The following ATP8A2 variants were observed in gnomAD, a reference collection of about 807,000 sequenced individuals.
ATP8A2 encodes ATPase phospholipid transporting 8A2, also known as phospholipid-transporting ATPase IB.
In ATP8A2, 100 loss-of-function variants were observed where a neutral mutation model predicts 165.6. The observed-to-expected ratio is 0.60, with a 90% CI of 0.51 to 0.71. ATP8A2 has a LOEUF of 0.71. Among genes scored for constraint, ATP8A2 ranks in the 30% least tolerant of loss-of-function variants. ATP8A2 has a pLI of 0.00. For synonymous variants in ATP8A2, 543 were observed against 548.8 expected, an observed-to-expected ratio of 0.99 and a Z score of 0.15; for missense variants, 1,227 against 1,479.5, an observed-to-expected ratio of 0.83 and a Z score of 2.80.
At chr13:25,934,067 A>C (rs182312773) in intron 33 of ATP8A2, among the ~76,000 whole-genome samples, 1 of 152,344 alleles carries the variant, frequency 6.6e-6, no homozygotes. Context: ...AAAACTACCC[A>C]AAAGAAAAGG....
At position 26,025,386 on chromosome 13, in the gene ATP8A2, GC is replaced by G. The variant is rs958387989; in HGVS notation, c.*5403del. 1 of 152,270 alleles carries G rather than the reference GC, an allele frequency of 6.6e-6. No individual in the cohort carries two copies. Among genetic ancestry groups the G allele is most frequent in the Non-Finnish European group, 1.5e-5 (1 of 68,092 alleles). The allele number at this position is 152,270 out of a possible 1,614,324, so 9.4% of individuals were successfully genotyped here. A position where few individuals can be genotyped will look rare whatever the true frequency, so the allele number is the denominator to read the frequency against. ...GCAGGGCCAGCTGCAGGATGGGGCT[GC>G]CGGTCACTGAATTGTCGTTCAAATG... is the stretch of plus-strand genomic sequence containing the variant. On this transcript the variant is annotated 3_prime_UTR_variant, in exon 37 of 37. Transcript: ENST00000381655.
At chr13:25,586,351 G>A (rs535441713) in intron 23 of ATP8A2, among the ~76,000 whole-genome samples, 15 of 152,312 alleles carry the variant, frequency 9.8e-5, no homozygotes, top group Admixed American at 4.6e-4. Context: ...GGGTCAGGAT[G>A]TCCCAACGTG....
At chr13:25,570,715 G>A in intron 16 of ATP8A2, 52 bp from the exon 17 acceptor site, 2 of 1,396,328 alleles carry the variant, frequency 1.4e-6, no homozygotes, top group African/African-American at 1.4e-5. Flanking sequence ...TGTGAGCCCT[G>A]GTGCCTGTTG....
chr13:25,572,171 G>A (rs1480924019), intron 18 of ATP8A2, among the ~76,000 whole-genome samples: 2 of 152,162 alleles, frequency 1.3e-5, no homozygotes, highest in Admixed American at 1.3e-4. Context: ...GTCTCACTCT[G>A]TTGTCCAGGC....
chr13:25,809,640 T>C (rs2138505065), intron 27 of ATP8A2, among the ~76,000 whole-genome samples: 1 of 152,260 alleles, frequency 6.6e-6, no homozygotes, highest in Admixed American at 6.5e-5. Flanking sequence ...TTCTGTTCCC[T>C]TTTGAAAGGT....
At chr13:25,850,577 G>A (rs1435740491) in intron 30 of ATP8A2, among the ~76,000 whole-genome samples, 1 of 151,696 alleles carries the variant, frequency 6.6e-6, no homozygotes, top group East Asian at 1.9e-4. Flanking sequence ...TCCAAAGGCT[G>A]GCTTGGGGAA....
At chr13:25,647,000 C>T (rs1386994307) in intron 24 of ATP8A2, among the ~76,000 whole-genome samples, 1 of 152,196 alleles carries the variant, frequency 6.6e-6, no homozygotes, top group East Asian at 1.9e-4. Context: ...TTACATGCAA[C>T]AACACTACAC....
intron 27 of ATP8A2, among the ~76,000 whole-genome samples, chr13:25,799,838 C>A (rs1593365468): frequency 6.6e-6 from 1 of 152,184 alleles, no homozygotes; most frequent in Non-Finnish European, 1.5e-5. Flanking sequence ...TCTTTCAACC[C>A]AGGAGAGCAA....
chr13:25,489,872 A>T (rs546325822), intron 2 of ATP8A2, among the ~76,000 whole-genome samples: 5 of 152,196 alleles, frequency 3.3e-5, no homozygotes, highest in Non-Finnish European at 7.3e-5. Context: ...TTTAATGCCA[A>T]TTTCTTCAGA....
At chr13:25,731,214 A>G (rs73154554) in intron 25 of ATP8A2, among the ~76,000 whole-genome samples, 15,224 of 139,222 alleles carry the variant, frequency 0.11, 1,208 homozygotes, top group Middle Eastern at 0.19. Context: ...AGAGAGAAAG[A>G]GAAAGAAGAA....
chr13:25,761,879 G>T (rs1326180285), intron 25 of ATP8A2, among the ~76,000 whole-genome samples: 1 of 151,720 alleles, frequency 6.6e-6, no homozygotes, highest in Non-Finnish European at 1.5e-5. Context: ...ATCTAAAGAG[G>T]CCAGGAAAAA....
intron 25 of ATP8A2, among the ~76,000 whole-genome samples, chr13:25,700,905 G>A (rs1008311041): frequency 6.6e-6 from 1 of 152,162 alleles, no homozygotes; most frequent in African/African-American, 2.4e-5. Context: ...ATGTGAAGTG[G>A]TATCGCATTG....
At chr13:25,427,959 G>A (rs1354515309) in intron 1 of ATP8A2, among the ~76,000 whole-genome samples, 1 of 152,076 alleles carries the variant, frequency 6.6e-6, no homozygotes, top group Non-Finnish European at 1.5e-5. Context: ...GCACTTGAGG[G>A]GCGGAGGAGA....
chr13:25,634,791 A>G (rs1275848200), intron 24 of ATP8A2, among the ~76,000 whole-genome samples: 1 of 152,202 alleles, frequency 6.6e-6, no homozygotes, highest in Non-Finnish European at 1.5e-5. Context: ...ATTCAGAATT[A>G]TAATTTTAAC....
At chr13:25,950,515 GGA>G (rs1955327416) in intron 33 of ATP8A2, among the ~76,000 whole-genome samples, 1 of 152,144 alleles carries the variant, frequency 6.6e-6, no homozygotes, top group African/African-American at 2.4e-5. Flanking sequence ...ACCCTGTTTA[GGA>G]AAATTGGGAA....
At chr13:25,537,574 C>T (rs1364546160) in intron 6 of ATP8A2, among the ~76,000 whole-genome samples, 1 of 152,152 alleles carries the variant, frequency 6.6e-6, no homozygotes, top group East Asian at 1.9e-4. Context: ...CATCATTACA[C>T]AGCTCATCAG....
chr13:25,925,698 A>G (rs375725312), intron 33 of ATP8A2, among the ~76,000 whole-genome samples: 2 of 151,460 alleles, frequency 1.3e-5, no homozygotes, highest in East Asian at 3.9e-4. Flanking sequence ...TATACACAGA[A>G]CAAAAAAATT....
chr13:25,783,482 C>T (rs1367677378), intron 27 of ATP8A2, among the ~76,000 whole-genome samples: 1 of 152,204 alleles, frequency 6.6e-6, no homozygotes, highest in Non-Finnish European at 1.5e-5. Flanking sequence ...ACAGTCCCTC[C>T]TCTTGGAATC....
intron 1 of ATP8A2, among the ~76,000 whole-genome samples, chr13:25,400,703 C>G (rs1225723662): frequency 2.0e-5 from 3 of 152,126 alleles, no homozygotes; most frequent in African/African-American, 7.2e-5. Context: ...CATTTAACAC[C>G]AGACAGCATG....
Sources: gnomAD v4.1 joint callset for allele counts (sites outside exome capture counted in the v4.1 genomes callset) on GRCh38, gnomAD v4.1.1 for gene constraint, MANE v1.5 for transcripts, NCBI Gene and HGNC (gene_info 2026-07-23, HGNC 2026-07-21) for gene names.